BCHE: variants seen among roughly 807,000 people sequenced by gnomAD.
BCHE encodes cholinesterase.
A neutral mutation model predicts 51.3 loss-of-function variants in BCHE; 48 were observed. The ratio of observed to expected loss-of-function variants is 0.94; its 90% CI spans 0.74 to 1.19. BCHE has a LOEUF of 1.19. BCHE is among the 50% of genes most tolerant of loss of function. The pLI is 0.00. For synonymous variants in BCHE, 251 were observed against 238.0 expected, an observed-to-expected ratio of 1.05 and a Z score of -0.50; for missense variants, 847 against 708.2, an observed-to-expected ratio of 1.20 and a Z score of -2.23.
chr3:165,793,084 A>G (rs770779272), intron 2 of BCHE, among the ~76,000 whole-genome samples: 1 of 152,142 alleles, frequency 6.6e-6, no homozygotes. Context: ...TTACAGTCTT[A>G]GCCATAACAT....
chr3:165,788,035 CA>C (rs1560005356), intron 2 of BCHE, among the ~76,000 whole-genome samples: 1 of 151,882 alleles, frequency 6.6e-6, no homozygotes, highest in African/African-American at 2.4e-5. Context: ...AAGTTCAACA[CA>C]AAAAATCCTT....
chr3:165,783,972 A>G (rs942329168), intron 3 of BCHE, among the ~76,000 whole-genome samples: 1 of 152,016 alleles, frequency 6.6e-6, no homozygotes, highest in Non-Finnish European at 1.5e-5. Context: ...GAATCATTTT[A>G]TTTGAGAACA....
intron 2 of BCHE, among the ~76,000 whole-genome samples, chr3:165,799,152 C>T (rs1429616265): frequency 1.3e-5 from 2 of 151,976 alleles, no homozygotes; most frequent in African/African-American, 4.8e-5. Context: ...TATTTGAAAT[C>T]TTTACAAAAA....
chr3:165,796,522 T>G (rs1382790688), intron 2 of BCHE, among the ~76,000 whole-genome samples: 2 of 152,128 alleles, frequency 1.3e-5, no homozygotes, highest in South Asian at 2.1e-4. Flanking sequence ...TAAAATGGAG[T>G]ATAAAATGCC....
intron 1 of BCHE, among the ~76,000 whole-genome samples, chr3:165,836,700 TAA>T (rs34294242): frequency 6.6e-6 from 1 of 152,002 alleles, no homozygotes; most frequent in Admixed American, 6.6e-5. Context: ...AACAAACATA[TAA>T]AAAGTGAACA....
At chr3:165,835,318 C>A (rs989311946) in intron 1 of BCHE, among the ~76,000 whole-genome samples, 4 of 151,566 alleles carry the variant, frequency 2.6e-5, no homozygotes, top group Non-Finnish European at 5.9e-5. Context: ...GTATAAAGAG[C>A]TATTTTTTGG....
At chr3:165,805,421 T>C (rs933985080) in intron 2 of BCHE, among the ~76,000 whole-genome samples, 1 of 152,194 alleles carries the variant, frequency 6.6e-6, no homozygotes, top group African/African-American at 2.4e-5. Context: ...TTAGTTTGAC[T>C]AGTGTAGATT....
intron 2 of BCHE, among the ~76,000 whole-genome samples, chr3:165,800,013 T>C (rs1385993473): frequency 2.9e-5 from 1 of 34,366 alleles, no homozygotes; most frequent in Admixed American, 4.4e-4. Context: ...TTATTTCTCA[T>C]GGAACTACTT....
chr3:165,786,913 T>C (rs1027202455), intron 2 of BCHE, among the ~76,000 whole-genome samples: 6 of 151,988 alleles, frequency 3.9e-5, no homozygotes, highest in Non-Finnish European at 2.9e-5. Context: ...TTAAGGTTAA[T>C]GAACATGGTA....
At chr3:165,833,702 CT>C (rs35140012) in intron 1 of BCHE, among the ~76,000 whole-genome samples, 1 of 152,088 alleles carries the variant, frequency 6.6e-6, no homozygotes, top group Non-Finnish European at 1.5e-5. Context: ...TGCTTCAGTT[CT>C]TTTTTCTTTC....
intron 2 of BCHE, among the ~76,000 whole-genome samples, chr3:165,797,816 G>A (rs1382395895): frequency 6.6e-6 from 1 of 152,116 alleles, no homozygotes; most frequent in Non-Finnish European, 1.5e-5. Flanking sequence ...TGGAAACTTA[G>A]TTTTGTAGTA....
chr3:165,827,396 T>A (rs532061687), intron 2 of BCHE, among the ~76,000 whole-genome samples: 2 of 151,614 alleles, frequency 1.3e-5, no homozygotes, highest in African/African-American at 4.8e-5. Context: ...TGTCAATTTT[T>A]ATTTATTTCC....
At chr3:165,805,981 C>T (rs1713851414) in intron 2 of BCHE, among the ~76,000 whole-genome samples, 1 of 152,102 alleles carries the variant, frequency 6.6e-6, no homozygotes, top group African/African-American at 2.4e-5. Context: ...AAAGTTACTC[C>T]CCAGTGTAGA....
intron 2 of BCHE, among the ~76,000 whole-genome samples, chr3:165,812,575 C>A (rs1175633388): frequency 1.3e-5 from 2 of 151,722 alleles, no homozygotes; most frequent in African/African-American, 4.8e-5. Flanking sequence ...GAAAATTTAT[C>A]TCTTGTTTGT....
chr3:165,785,699 T>G (rs1171959086), intron 3 of BCHE, among the ~76,000 whole-genome samples: 1 of 151,552 alleles, frequency 6.6e-6, no homozygotes. Flanking sequence ...AACTTCGGAG[T>G]TTTTTTCTCC....
intron 2 of BCHE, among the ~76,000 whole-genome samples, chr3:165,790,775 G>T (rs1244477829): frequency 6.6e-6 from 1 of 152,194 alleles, no homozygotes; most frequent in Non-Finnish European, 1.5e-5. Context: ...TAGTATTTCA[G>T]TAGAAGGGAT....
intron 2 of BCHE, among the ~76,000 whole-genome samples, chr3:165,788,035 C>T (rs542776253): frequency 6.6e-6 from 1 of 151,882 alleles, no homozygotes; most frequent in Non-Finnish European, 1.5e-5. Context: ...AAGTTCAACA[C>T]AAAAAATCCT....
intron 2 of BCHE, among the ~76,000 whole-genome samples, chr3:165,816,947 G>C (rs1714335483): frequency 6.6e-6 from 1 of 151,868 alleles, no homozygotes; most frequent in African/African-American, 2.4e-5. Flanking sequence ...AATTTCAGAT[G>C]TCTTGGCACA....
chr3:165,778,000 G>T (rs1381410244), intron 3 of BCHE, among the ~76,000 whole-genome samples: 1 of 152,014 alleles, frequency 6.6e-6, no homozygotes, highest in Admixed American at 6.6e-5. Flanking sequence ...CAGTCAAGTA[G>T]GCTTAATTAG....
Sources: gnomAD v4.1 joint callset for allele counts (sites outside exome capture counted in the v4.1 genomes callset) on GRCh38, gnomAD v4.1.1 for gene constraint, MANE v1.5 for transcripts, NCBI Gene and HGNC (gene_info 2026-07-23, HGNC 2026-07-21) for gene names.